The following CDH2 variants were observed in gnomAD, a reference collection of about 807,000 sequenced individuals.
The protein encoded by CDH2 is cadherin-2.
In CDH2, 17 loss-of-function variants were observed where a neutral mutation model predicts 92.0. The observed-to-expected ratio is 0.18, with a 90% CI of 0.13 to 0.28. CDH2 has a LOEUF of 0.28. Among genes scored for constraint, CDH2 ranks in the 10% least tolerant of loss-of-function variants. The pLI is 1.00. For missense variants in CDH2, 862 were observed against 1,133.1 expected, an observed-to-expected ratio of 0.76 and a Z score of 3.44; for synonymous variants, 419 against 415.9, an observed-to-expected ratio of 1.01 and a Z score of -0.09.
intron 6 of CDH2, among the ~76,000 whole-genome samples, chr18:28,005,049 A>C (rs932588703): frequency 2.6e-5 from 4 of 152,192 alleles, no homozygotes; most frequent in African/African-American, 4.8e-5. Flanking sequence ...TAGCTAATTA[A>C]ATCTCTCTGA....
At chr18:28,069,345 A>G (rs1431459119) in intron 2 of CDH2, among the ~76,000 whole-genome samples, 1 of 152,170 alleles carries the variant, frequency 6.6e-6, no homozygotes, top group African/African-American at 2.4e-5. Flanking sequence ...AAAATAATCA[A>G]TTTTATTCTG....
chr18:28,172,189 C>T (rs914695400), intron 1 of CDH2, among the ~76,000 whole-genome samples: 2 of 151,498 alleles, frequency 1.3e-5, no homozygotes, highest in Non-Finnish European at 2.9e-5. Context: ...AAAGAGTGAG[C>T]GACAAGGAAT....
At chr18:27,957,851 C>T (rs1432977330) in intron 15 of CDH2, among the ~76,000 whole-genome samples, 3 of 152,172 alleles carry the variant, frequency 2.0e-5, no homozygotes, top group Non-Finnish European at 4.4e-5. Context: ...ATTACTACCC[C>T]TCTTTCTGGG....
At chr18:28,016,225 G>A (rs753547548) in intron 2 of CDH2, among the ~76,000 whole-genome samples, 1 of 152,126 alleles carries the variant, frequency 6.6e-6, no homozygotes, top group Non-Finnish European at 1.5e-5. Flanking sequence ...TCATATGAGT[G>A]GATCTTCTCT....
In CDH2 at chr18:28,031,887, C is replaced by T. The variant is rs484755; in HGVS notation, c.173-17978G>A. ...GGTGATCAGAGCCGACTTGTCCAGT[C>T]AAATCAGATAATGAATAAAAGGAAC... On this transcript the variant is annotated intron_variant, in intron 2 of 15. Transcript: ENST00000269141. Among the ~76,000 whole-genome samples, 78 of 152,124 alleles carry T rather than the reference C, an allele frequency of 5.1e-4. 1 individual carries two copies. Among genetic ancestry groups the T allele is most frequent in the African/African-American group, 1.9e-3 (77 of 41,506 alleles).
At chr18:27,996,962 A>G (rs556774711) in intron 7 of CDH2, among the ~76,000 whole-genome samples, 1 of 152,336 alleles carries the variant, frequency 6.6e-6, no homozygotes, top group African/African-American at 2.4e-5. Flanking sequence ...CAATTCTAAC[A>G]TTTCCTCATA....
intron 14 of CDH2, among the ~76,000 whole-genome samples, chr18:27,982,498 C>A (rs1018587545): frequency 6.6e-6 from 1 of 152,104 alleles, no homozygotes; most frequent in African/African-American, 2.4e-5. Flanking sequence ...GTTAACTCTG[C>A]CCATGGAGGT....
intron 2 of CDH2, among the ~76,000 whole-genome samples, chr18:28,027,188 G>A (rs2013575953): frequency 6.6e-6 from 1 of 152,052 alleles, no homozygotes; most frequent in South Asian, 2.1e-4. Context: ...TGTTAGTGTG[G>A]CACATCCTAG....
chr18:27,986,799 A>G (rs2012249265), intron 11 of CDH2, among the ~76,000 whole-genome samples: 1 of 152,174 alleles, frequency 6.6e-6, no homozygotes, highest in South Asian at 2.1e-4. Flanking sequence ...CAATATTCCA[A>G]CACCACCATG....
At chr18:28,044,304 T>A (rs1179755231) in intron 2 of CDH2, among the ~76,000 whole-genome samples, 1 of 152,226 alleles carries the variant, frequency 6.6e-6, no homozygotes, top group Non-Finnish European at 1.5e-5. Flanking sequence ...GGTGGAATTC[T>A]AGAAACTGTT....
At chr18:27,970,330 T>C (rs2011626418) in intron 14 of CDH2, among the ~76,000 whole-genome samples, 1 of 152,116 alleles carries the variant, frequency 6.6e-6, no homozygotes, top group Non-Finnish European at 1.5e-5. Context: ...AATTTCTTCT[T>C]GCAAAAAACA....
chr18:27,975,895 G>A (rs1013619310), intron 14 of CDH2, among the ~76,000 whole-genome samples: 3 of 152,084 alleles, frequency 2.0e-5, no homozygotes, highest in Admixed American at 6.5e-5. Flanking sequence ...AGGGCAGGTC[G>A]CTCTCCCCTG....
intron 2 of CDH2, among the ~76,000 whole-genome samples, chr18:28,111,932 T>C (rs991219153): frequency 6.6e-6 from 1 of 152,146 alleles, no homozygotes; most frequent in African/African-American, 2.4e-5. Context: ...ACTAACAAAC[T>C]TTTACAAGTA....
At chr18:28,092,886 C>T (rs2015061885) in intron 2 of CDH2, among the ~76,000 whole-genome samples, 2 of 152,070 alleles carry the variant, frequency 1.3e-5, no homozygotes, top group African/African-American at 4.8e-5. Flanking sequence ...ACCAATATTC[C>T]AGCCTATGCC....
At chr18:27,946,809 C>T (rs1046465050), downstream of CDH2, among the ~76,000 whole-genome samples, 1 of 151,768 alleles carries the variant, frequency 6.6e-6, no homozygotes, top group African/African-American at 2.4e-5. Flanking sequence ...AGGTTTATTC[C>T]AGGAAAGTTC....
chr18:28,036,365 A>G (rs1236919865), intron 2 of CDH2: 1 of 696,618 alleles, frequency 1.4e-6, no homozygotes, highest in East Asian at 2.6e-5. Context: ...CCTTGTTTAA[A>G]ATATAAAATG....
chr18:28,169,204 T>C (rs1234329551), intron 1 of CDH2, among the ~76,000 whole-genome samples: 2 of 152,182 alleles, frequency 1.3e-5, no homozygotes, highest in African/African-American at 4.8e-5. Flanking sequence ...CTCTGCTGTA[T>C]CTGCTCTACT....
At chr18:27,960,339 A>C (rs1323071983) in intron 15 of CDH2, among the ~76,000 whole-genome samples, 1 of 152,190 alleles carries the variant, frequency 6.6e-6, no homozygotes, top group Admixed American at 6.5e-5. Context: ...AATTTCACCC[A>C]ACGCTAGAAA....
At chr18:28,119,426 T>G (rs976841463) in intron 2 of CDH2, among the ~76,000 whole-genome samples, 1 of 152,034 alleles carries the variant, frequency 6.6e-6, no homozygotes, top group African/African-American at 2.4e-5. Flanking sequence ...CAAACAGATC[T>G]CCATCAGTAA....
Sources: allele counts gnomAD v4.1 joint callset (sites outside exome capture counted in the v4.1 genomes callset), GRCh38; gene constraint gnomAD v4.1.1; transcripts MANE v1.5; gene names NCBI Gene and HGNC (gene_info 2026-07-23, HGNC 2026-07-21).